FANK1: variants seen among roughly 807,000 people sequenced by gnomAD.
FANK1 encodes the protein fibronectin type III and ankyrin repeat domains 1.
FANK1 carries 44 observed loss-of-function variants against 45.3 expected under a neutral mutation model. The observed-to-expected ratio is 0.97, with a 90% CI of 0.76 to 1.25. The LOEUF is 1.25. Ranked by LOEUF, FANK1 falls within the 50% of genes most tolerant of loss-of-function variation. The pLI is 0.00. For synonymous variants in FANK1, 149 were observed against 152.5 expected (o/e 0.98, Z 0.17); for missense variants, 391 against 424.4 (o/e 0.92, Z 0.69).
intron 3 of FANK1, among the ~76,000 whole-genome samples, chr10:125,993,022 T>G (rs892382181): frequency 3.9e-5 from 6 of 152,172 alleles, no homozygotes; most frequent in African/African-American, 1.4e-4. Context: ...TGGCCTTGGC[T>G]CTGATGCTGC....
rs142716284 is a variant in FANK1, at chr10:125,919,195, ATTTT to A, written c.13+22565_13+22568del. The stretch of plus-strand genomic sequence containing the variant: ...AGTAAAATACTTCCAGGAGGTAAGA[ATTTT>A]TTTTTTTTTTTTTTTTTTTTTTTTG... On this transcript the variant is annotated intron_variant, in intron 1 of 10. Transcript: ENST00000368693. 7.7e-3 allele frequency among the ~76,000 whole-genome samples: 399 copies of A among 51,848 alleles called. 3 individuals are homozygous for A. Among genetic ancestry groups the A allele is most frequent in the African/African-American group, 0.019 (247 of 12,754 alleles). 34.0% of individuals were successfully genotyped at this position (51,848 alleles called of 152,430 possible).
chr10:126,000,357 C>T (rs377282213), intron 6 of FANK1, among the ~76,000 whole-genome samples: 10 of 151,860 alleles, frequency 6.6e-5, no homozygotes, highest in African/African-American at 1.7e-4. Context: ...TGCCTCATAA[C>T]GTTATAGTAA....
At chr10:125,911,310 A>T (rs528419466) in intron 1 of FANK1, among the ~76,000 whole-genome samples, 15 of 152,206 alleles carry the variant, frequency 9.9e-5, no homozygotes, top group African/African-American at 3.4e-4. Context: ...AGAGGCATGG[A>T]AACGGACTCT....
chr10:125,903,766 T>G (rs1306058749), intron 1 of FANK1, among the ~76,000 whole-genome samples: 1 of 152,130 alleles, frequency 6.6e-6, no homozygotes, highest in African/African-American at 2.4e-5. Flanking sequence ...AAATTGAAAC[T>G]AGCATTGCTA....
intron 1 of FANK1, among the ~76,000 whole-genome samples, chr10:125,954,481 G>A (rs1248153305): frequency 6.6e-6 from 1 of 152,080 alleles, no homozygotes; most frequent in African/African-American, 2.4e-5. Context: ...TTATTGTAGT[G>A]AAAATTAGAA....
At chr10:125,924,182 G>T (rs1258831159) in intron 1 of FANK1, among the ~76,000 whole-genome samples, 1 of 151,612 alleles carries the variant, frequency 6.6e-6, no homozygotes, top group Non-Finnish European at 1.5e-5. Context: ...TATTTCATTT[G>T]TTTGTTATGT....
intron 1 of FANK1, among the ~76,000 whole-genome samples, chr10:125,914,292 T>TATATATATATATATATATATATA (rs58995936): frequency 3.3e-5 from 5 of 150,796 alleles, no homozygotes; most frequent in African/African-American, 1.2e-4. Context: ...TATATATATA[T>TATATATATATATATATATATATA]TTAAAAAGTC....
At chr10:125,968,080 CTT>C (rs879713092) in intron 1 of FANK1, among the ~76,000 whole-genome samples, 1 of 145,126 alleles carries the variant, frequency 6.9e-6, no homozygotes. Flanking sequence ...TTAATTTCTT[CTT>C]TTTTTTTTTT....
chr10:125,941,029 CT>C (rs543206472), intron 1 of FANK1, among the ~76,000 whole-genome samples: 275 of 152,306 alleles, frequency 1.8e-3, no homozygotes, highest in Middle Eastern at 3.4e-3. Flanking sequence ...TTATGTGTTC[CT>C]TTTCTACATA....
rs148304524 is a variant in FANK1 at position 125,998,996 on chromosome 10, A to G, written c.539+1511A>G. Among the ~76,000 whole-genome samples, 41 of 152,292 alleles carry G rather than the reference A, an allele frequency of 2.7e-4. No individual in the cohort carries two copies. The East Asian group carries it at 5.6e-3, about 21-fold the overall frequency. ...TTATTGCTAAAATTTGATAGAGGAA[A>G]AAAAAGCTATTTGTATGTTTGTTTG... On this transcript the variant is annotated intron_variant, in intron 6 of 10. Coordinates refer to ENST00000368693, the MANE Select transcript of FANK1 (RefSeq NM_145235.5).
chr10:125,968,827 G>A (rs1311881283), intron 1 of FANK1, among the ~76,000 whole-genome samples: 1 of 152,092 alleles, frequency 6.6e-6, no homozygotes, highest in African/African-American at 2.4e-5. Flanking sequence ...ATTTGTGAGT[G>A]ATACCTTTTT....
chr10:125,937,046 A>G lies in FANK1; in HGVS notation c.13+40391A>G, dbSNP rs369714156. ...CGCACCATTGCCCTCCAGCCTGGCA[A>G]CAACAAAAGCCAAACTCCGTCTCAA... is the stretch of plus-strand genomic sequence containing the variant. On this transcript the variant is annotated intron_variant, in intron 1 of 10. Transcript: ENST00000368693. Among the ~76,000 whole-genome samples, 47 of 152,256 alleles carry G rather than the reference A, an allele frequency of 3.1e-4. No homozygotes were observed. In the South Asian group the frequency reaches 9.3e-3, roughly 30 times the overall value.
At chr10:126,002,649 ACT>A (rs1039675615) in intron 6 of FANK1, among the ~76,000 whole-genome samples, 1 of 151,410 alleles carries the variant, frequency 6.6e-6, no homozygotes, top group Non-Finnish European at 1.5e-5. Flanking sequence ...TTATTTTCCA[ACT>A]CTCTATTTTG....
At position 126,004,874 on chromosome 10, in the gene FANK1, T is replaced by C; in HGVS notation, c.540-10T>C. On this transcript the variant is annotated splice_polypyrimidine_tract_variant and intron_variant, in intron 6 of 10. Transcript: ENST00000368693. The stretch of plus-strand genomic sequence containing the variant: ...TTATTGTCAAATGCCGCTTCTTCCA[T>C]ATGTTGCAGTCTAATGCTGGCGTGC... The C allele has an allele frequency of 6.2e-7, 1 of 1,613,680 alleles. No individual in the cohort carries two copies. The highest frequency in any genetic ancestry group is 8.5e-7 in the Non-Finnish European group (1 of 1,179,616).
chr10:125,952,647 G>A (rs559132995), intron 1 of FANK1, among the ~76,000 whole-genome samples: 2 of 151,800 alleles, frequency 1.3e-5, no homozygotes, highest in Non-Finnish European at 2.9e-5. Flanking sequence ...AATGTTCCTC[G>A]ATGTCTGAGA....
At chr10:125,971,881 G>C (rs376779469) in intron 1 of FANK1, among the ~76,000 whole-genome samples, 9 of 152,158 alleles carry the variant, frequency 5.9e-5, no homozygotes, top group South Asian at 2.1e-4. Context: ...CTTGGCCTCC[G>C]AAAGTAAAGT....
At chr10:125,999,300 C>T (rs575362441) in intron 6 of FANK1, among the ~76,000 whole-genome samples, 2 of 151,016 alleles carry the variant, frequency 1.3e-5, no homozygotes, top group Admixed American at 6.6e-5. Flanking sequence ...CCCGGGTTCA[C>T]GCCATTCTCC....
intron 1 of FANK1, among the ~76,000 whole-genome samples, chr10:125,958,087 A>G (rs1590045722): frequency 1.3e-5 from 2 of 152,114 alleles, no homozygotes; most frequent in East Asian, 3.9e-4. Flanking sequence ...GCTATTTGAA[A>G]CTATGTATTA....
chr10:125,897,136 C>G (rs1310093021), intron 1 of FANK1, among the ~76,000 whole-genome samples: 1 of 149,540 alleles, frequency 6.7e-6, no homozygotes, highest in Non-Finnish European at 1.5e-5. Flanking sequence ...CCCCACACCC[C>G]TAGTCTGCGA....
Sources: allele counts gnomAD v4.1 joint callset (sites outside exome capture counted in the v4.1 genomes callset), GRCh38; gene constraint gnomAD v4.1.1; transcripts MANE v1.5; gene names NCBI Gene and HGNC (gene_info 2026-07-23, HGNC 2026-07-21).